The following ATRNL1 variants were observed in gnomAD, a reference collection of about 807,000 sequenced individuals.
ATRNL1 encodes the protein attractin like 1.
Under a neutral mutation model 182.7 loss-of-function variants are expected in ATRNL1, and 95 were observed. The ratio of observed to expected loss-of-function variants is 0.52; its 90% confidence interval spans 0.44 to 0.62. ATRNL1 has a LOEUF of 0.62. Ranked by LOEUF, ATRNL1 falls within the 20% of genes least tolerant of loss-of-function variation. ATRNL1 has a pLI of 0.00. For synonymous variants in ATRNL1, 576 were observed against 568.3 expected, an observed-to-expected ratio of 1.01 and a Z score of -0.19; for missense variants, 1,471 against 1,679.5, an observed-to-expected ratio of 0.88 and a Z score of 2.17.
chr10:115,486,251 G>A (rs1389393686), intron 24 of ATRNL1, among the ~76,000 whole-genome samples: 1 of 152,038 alleles, frequency 6.6e-6, no homozygotes, highest in African/African-American at 2.4e-5. Flanking sequence ...AATCCTTTGG[G>A]TATATACCCA....
intron 28 of ATRNL1, among the ~76,000 whole-genome samples, chr10:115,923,828 T>A (rs1188975066): frequency 6.6e-6 from 1 of 152,142 alleles, no homozygotes; most frequent in African/African-American, 2.4e-5. Context: ...AGGAATCGCC[T>A]ACTGTCTTCC....
intron 21 of ATRNL1, among the ~76,000 whole-genome samples, chr10:115,438,838 T>C (rs782698243): frequency 6.0e-4 from 91 of 152,016 alleles, no homozygotes; most frequent in African/African-American, 2.1e-3. Flanking sequence ...GAATGAAATA[T>C]GCCATTTTTG....
rs532454187 is a variant in ATRNL1, at chr10:115,786,606, T to C, written c.3903+59251T>C. 9.8e-5 allele frequency among the ~76,000 whole-genome samples: 15 copies of C among 152,302 alleles called. 1 individual carries two copies. The South Asian group carries it at 2.5e-3, about 25-fold the overall frequency. On this transcript the variant is annotated intron_variant, in intron 27 of 28. Coordinates refer to ENST00000355044, the MANE Select transcript of ATRNL1 (RefSeq NM_207303.4). ...GGATTTAAGGCTCATCCTAACACAATTGAACCTCATCTTAATTAATTATAT... is the reference window on the plus strand; with the variant it reads ...GGATTTAAGGCTCATCCTAACACAACTGAACCTCATCTTAATTAATTATAT...
intron 26 of ATRNL1, among the ~76,000 whole-genome samples, chr10:115,684,637 T>A (rs1238075741): frequency 6.6e-6 from 1 of 151,596 alleles, no homozygotes; most frequent in Non-Finnish European, 1.5e-5. Flanking sequence ...TGAGAAAAAT[T>A]CCACTATGTA....
chr10:115,185,222 C>T (rs1847897033), intron 8 of ATRNL1, among the ~76,000 whole-genome samples: 1 of 151,936 alleles, frequency 6.6e-6, no homozygotes, highest in African/African-American at 2.4e-5. Context: ...AGCTAAGACA[C>T]CCCAGTAGTA....
intron 19 of ATRNL1, among the ~76,000 whole-genome samples, chr10:115,351,429 T>C (rs1554941291): frequency 1.3e-5 from 2 of 152,124 alleles, no homozygotes; most frequent in African/African-American, 4.8e-5. Flanking sequence ...CTTGTATCCC[T>C]AGTTTTTTGA....
chr10:115,935,490 A>C (rs1555122632), intron 28 of ATRNL1, among the ~76,000 whole-genome samples: 1 of 152,136 alleles, frequency 6.6e-6, no homozygotes, highest in Non-Finnish European at 1.5e-5. Flanking sequence ...TCACAATCAT[A>C]TGGGAGACAT....
chr10:115,539,361 C>G (rs1443334886), intron 25 of ATRNL1, among the ~76,000 whole-genome samples: 2 of 152,212 alleles, frequency 1.3e-5, no homozygotes, highest in African/African-American at 4.8e-5. Flanking sequence ...ACACACATCT[C>G]TTTTTCTCTA....
At chr10:115,646,579 T>A (rs1593002168) in intron 26 of ATRNL1, among the ~76,000 whole-genome samples, 1 of 152,108 alleles carries the variant, frequency 6.6e-6, no homozygotes, top group East Asian at 1.9e-4. Context: ...CATGTGGTCA[T>A]ACCTGCTTGG....
At chr10:115,773,554 C>T (rs541061684) in intron 27 of ATRNL1, among the ~76,000 whole-genome samples, 84 of 152,190 alleles carry the variant, frequency 5.5e-4, no homozygotes, top group African/African-American at 1.9e-3. Flanking sequence ...GGTATGGCTA[C>T]GTAATCTATG....
At chr10:115,742,597 T>A (rs1289956874) in intron 27 of ATRNL1, among the ~76,000 whole-genome samples, 1 of 152,154 alleles carries the variant, frequency 6.6e-6, no homozygotes, top group Non-Finnish European at 1.5e-5. Context: ...CTATTCTTCA[T>A]TTTCTATCTG....
At chr10:115,553,131 G>A (rs1554996008) in intron 26 of ATRNL1, among the ~76,000 whole-genome samples, 1 of 151,188 alleles carries the variant, frequency 6.6e-6, no homozygotes, top group Non-Finnish European at 1.5e-5. Context: ...TATTATAATT[G>A]TTCCCTGCAA....
intron 24 of ATRNL1, among the ~76,000 whole-genome samples, chr10:115,507,240 T>G (rs1247125062): frequency 6.6e-6 from 1 of 152,042 alleles, no homozygotes; most frequent in Non-Finnish European, 1.5e-5. Flanking sequence ...CGACTTTGAA[T>G]GAAATGGGAA....
chr10:115,393,997 G>A (rs1486094988), intron 19 of ATRNL1, among the ~76,000 whole-genome samples: 1 of 151,992 alleles, frequency 6.6e-6, no homozygotes, highest in East Asian at 1.9e-4. Context: ...ACTCTAAAAG[G>A]ATGAGGATGA....
intron 27 of ATRNL1, among the ~76,000 whole-genome samples, chr10:115,818,333 C>T (rs1260908833): frequency 6.6e-6 from 1 of 152,036 alleles, no homozygotes; most frequent in East Asian, 1.9e-4. Context: ...CAAGTCTTGC[C>T]TGTTCTGTCC....
chr10:115,100,997 A>AT (rs1261961678), intron 1 of ATRNL1, among the ~76,000 whole-genome samples: 2 of 152,114 alleles, frequency 1.3e-5, no homozygotes, highest in East Asian at 1.9e-4. Flanking sequence ...TGTAAATGGC[A>AT]TTTTTTAAAC....
intron 1 of ATRNL1, among the ~76,000 whole-genome samples, chr10:115,111,269 TTAA>T (rs1243013029): frequency 6.6e-6 from 1 of 152,236 alleles, no homozygotes; most frequent in Non-Finnish European, 1.5e-5. Flanking sequence ...AAAAAATGTA[TTAA>T]TGAGCTAAAA....
chr10:115,547,236 C>T (rs1353937252), intron 25 of ATRNL1, among the ~76,000 whole-genome samples: 2 of 146,812 alleles, frequency 1.4e-5, no homozygotes, highest in East Asian at 3.9e-4. Flanking sequence ...GCCTGGGTGA[C>T]AGAGTGAGAC....
chr10:115,631,103 G>A (rs1202832183), intron 26 of ATRNL1, among the ~76,000 whole-genome samples: 2 of 151,802 alleles, frequency 1.3e-5, no homozygotes, highest in Admixed American at 6.6e-5. Context: ...TTGGTCAAAT[G>A]GTACAACGTT....
Sources: gnomAD v4.1 joint callset for allele counts (sites outside exome capture counted in the v4.1 genomes callset) on GRCh38, gnomAD v4.1.1 for gene constraint, MANE v1.5 for transcripts, NCBI Gene and HGNC (gene_info 2026-07-23, HGNC 2026-07-21) for gene names.